Variants in STX8 observed in about 807,000 individuals in gnomAD.
STX8 encodes syntaxin 8.
A neutral mutation model predicts 37.5 loss-of-function variants in STX8; 23 were observed. The observed-to-expected ratio is 0.61, with a 90% CI of 0.44 to 0.87. The LOEUF (loss-of-function observed/expected upper bound fraction) is 0.87, where lower values mean the gene tolerates loss of function less well. STX8 is among the 40% of genes least tolerant of loss of function. The probability of loss-of-function intolerance (pLI) is 0.00; values close to 1 mark genes in which losing one functional copy is unlikely to be tolerated. For synonymous variants in STX8, 115 were observed against 99.1 expected (o/e 1.16, Z -0.95); for missense variants, 313 against 284.7 (o/e 1.10, Z -0.71).
intron 7 of STX8, among the ~76,000 whole-genome samples, chr17:9,270,881 T>C (rs1448753281): frequency 7.2e-5 from 11 of 152,220 alleles, no homozygotes; most frequent in African/African-American, 1.4e-4. Context: ...CAGAGTTGCA[T>C]TGTAGTGAAA....
At chr17:9,559,880 G>C (rs1351130545) in intron 2 of STX8, among the ~76,000 whole-genome samples, 2 of 144,032 alleles carry the variant, frequency 1.4e-5, no homozygotes, top group Non-Finnish European at 3.0e-5. Context: ...TCCTGCCTCA[G>C]CCTCCTGAGT....
chr17:9,396,398 T>C (rs1460984785), intron 6 of STX8, among the ~76,000 whole-genome samples: 2 of 151,816 alleles, frequency 1.3e-5, no homozygotes, highest in African/African-American at 2.4e-5. Flanking sequence ...AAATACTCTA[T>C]ATGGGCCGGG....
chr17:9,478,555 A>G (rs1413837173), intron 6 of STX8, among the ~76,000 whole-genome samples: 1 of 152,100 alleles, frequency 6.6e-6, no homozygotes, highest in Non-Finnish European at 1.5e-5. Flanking sequence ...ATGTTTCCTG[A>G]CTGAGACTAT....
chr17:9,297,551 G>T (rs972702630), intron 7 of STX8, among the ~76,000 whole-genome samples: 4 of 152,196 alleles, frequency 2.6e-5, no homozygotes, highest in Non-Finnish European at 5.9e-5. Flanking sequence ...TCATTCCAGG[G>T]CTAGGCAACA....
intron 6 of STX8, among the ~76,000 whole-genome samples, chr17:9,401,396 T>C (rs565692093): frequency 6.6e-6 from 1 of 152,352 alleles, no homozygotes; most frequent in East Asian, 1.9e-4. Context: ...TTTGAAGCAC[T>C]CTAACCATTT....
chr17:9,381,373 TAA>T (rs1307222706), intron 6 of STX8, among the ~76,000 whole-genome samples: 1 of 151,752 alleles, frequency 6.6e-6, no homozygotes, highest in Admixed American at 6.6e-5. Context: ...GGAAATCAAA[TAA>T]AGTTTCCAGA....
Position 9,414,915 on chromosome 17 carries a change from C to T in STX8, c.542-36262G>A, listed in dbSNP as rs140191324. ...AAGCGATTCTCCTGCCTCAGCCTCC[C>T]GAGTAGCTGGGATTACAGGCACCCG... On this transcript the variant is annotated intron_variant, in intron 6 of 7. Coordinates refer to ENST00000306357, the MANE Select transcript of STX8 (RefSeq NM_004853.3). Among the ~76,000 whole-genome samples, 1,358 of 151,418 alleles carry T rather than the reference C, an allele frequency of 9.0e-3. 19 individuals carry two copies. The highest frequency in any genetic ancestry group is 0.031 in the African/African-American group (1,299 of 41,280).
intron 6 of STX8, among the ~76,000 whole-genome samples, chr17:9,428,417 T>C (rs903580652): frequency 1.3e-5 from 2 of 152,134 alleles, no homozygotes; most frequent in African/African-American, 2.4e-5. Flanking sequence ...ATTTTTTGTA[T>C]TTTTAGTAGA....
intron 7 of STX8, among the ~76,000 whole-genome samples, chr17:9,281,061 A>G (rs1255935575): frequency 6.6e-6 from 1 of 152,170 alleles, no homozygotes; most frequent in African/African-American, 2.4e-5. Flanking sequence ...TTCAGCGGGA[A>G]GAAGTAATGG....
In STX8 at chr17:9,383,967, TA is replaced by T. The variant is rs570274025; in HGVS notation, c.542-5315del. ...TTGCTGGGAGAAATGAAAGAAGGCC[TA>T]AAAAAAGGAGAACTGGCCTGACCCA... On this transcript the variant is annotated intron_variant, in intron 6 of 7. Coordinates refer to ENST00000306357, the MANE Select transcript of STX8 (RefSeq NM_004853.3). Among the ~76,000 whole-genome samples the T allele has an allele frequency of 1.3e-4, 20 of 152,170 alleles. No individual in the cohort carries two copies. In the South Asian group the frequency reaches 3.9e-3, roughly 30 times the overall value.
intron 7 of STX8, among the ~76,000 whole-genome samples, chr17:9,257,648 A>G (rs574736094): frequency 3.9e-5 from 6 of 152,196 alleles, no homozygotes; most frequent in Non-Finnish European, 7.3e-5. Context: ...TGTTGCAAGG[A>G]AAGCCGCCTT....
chr17:9,473,561 T>C (rs1222037001), intron 6 of STX8, among the ~76,000 whole-genome samples: 1 of 152,106 alleles, frequency 6.6e-6, no homozygotes, highest in Non-Finnish European at 1.5e-5. Context: ...TAATCCCTAA[T>C]ACAATGGAAA....
At chr17:9,416,638 A>G (rs547521342) in intron 6 of STX8, among the ~76,000 whole-genome samples, 1 of 152,298 alleles carries the variant, frequency 6.6e-6, no homozygotes, top group Non-Finnish European at 1.5e-5. Context: ...AAGTGCTGGG[A>G]TTACAGATGT....
chr17:9,487,753 A>G (rs11654931), intron 6 of STX8, among the ~76,000 whole-genome samples: 24,925 of 152,108 alleles, frequency 0.16, 2,227 homozygotes, highest in Non-Finnish European at 0.2. Context: ...CAAAAGGGAT[A>G]GGGGCAAAAT....
chr17:9,542,914 G>A (rs1228850802), intron 4 of STX8, among the ~76,000 whole-genome samples: 6 of 152,090 alleles, frequency 3.9e-5, no homozygotes, highest in African/African-American at 1.4e-4. Flanking sequence ...GATCAGAGAA[G>A]AGGGGTGACA....
chr17:9,311,408 T>C (rs1909184411), intron 7 of STX8, among the ~76,000 whole-genome samples: 1 of 152,062 alleles, frequency 6.6e-6, no homozygotes, highest in Admixed American at 6.6e-5. Flanking sequence ...AAAGAAACAA[T>C]TTTCACTAAA....
At chr17:9,438,528 T>G (rs1321809309) in intron 6 of STX8, among the ~76,000 whole-genome samples, 4 of 152,118 alleles carry the variant, frequency 2.6e-5, no homozygotes, top group African/African-American at 4.8e-5. Flanking sequence ...TTGGTAAACA[T>G]TTTCTGCAAT....
At chr17:9,475,423 C>T (rs763941353) in intron 6 of STX8, among the ~76,000 whole-genome samples, 23 of 152,178 alleles carry the variant, frequency 1.5e-4, no homozygotes, top group Non-Finnish European at 2.8e-4. Context: ...ACAGAATGGC[C>T]TACAAAGAAG....
At chr17:9,288,948 C>G (rs1252437970) in intron 7 of STX8, among the ~76,000 whole-genome samples, 2 of 151,968 alleles carry the variant, frequency 1.3e-5, no homozygotes, top group African/African-American at 2.4e-5. Flanking sequence ...ACAAAATACC[C>G]AACACAATAA....
Sources: gnomAD v4.1 joint callset for allele counts (sites outside exome capture counted in the v4.1 genomes callset) on GRCh38, gnomAD v4.1.1 for gene constraint, MANE v1.5 for transcripts, NCBI Gene and HGNC (gene_info 2026-07-23, HGNC 2026-07-21) for gene names.